The following CCDC144A variants were observed in gnomAD, a reference collection of about 807,000 sequenced individuals.
CCDC144A encodes coiled-coil domain containing 144A, also known as coiled-coil domain-containing protein 144A.
CCDC144A carries 41 observed loss-of-function variants against 143.8 expected under a neutral mutation model. The ratio of observed to expected loss-of-function variants is 0.29; its 90% CI spans 0.22 to 0.37. The LOEUF is 0.37. CCDC144A is among the 10% of genes least tolerant of loss of function. The pLI is 1.00. For synonymous variants in CCDC144A, 242 were observed against 517.9 expected, an observed-to-expected ratio of 0.47 and a Z score of 7.23; for missense variants, 637 against 1,488.8, an observed-to-expected ratio of 0.43 and a Z score of 9.41.
chr17:16,763,042 G>A (rs1412507625), intron 14 of CCDC144A, among the ~76,000 whole-genome samples: 1 of 151,024 alleles, frequency 6.6e-6, no homozygotes, highest in African/African-American at 2.5e-5. Flanking sequence ...GATCATTAGA[G>A]GGTGCCTTGA....
At chr17:16,679,992 A>T in the CCDC144A span, among the ~76,000 whole-genome samples, 1 of 152,130 alleles carries the variant, frequency 6.6e-6, no homozygotes, top group Non-Finnish European at 1.5e-5. Flanking sequence ...TATTTTTTTT[A>T]AACTTTAGAA....
intron 11 of CCDC144A, among the ~76,000 whole-genome samples, chr17:16,733,549 C>T (rs1416172267): frequency 6.7e-6 from 1 of 149,584 alleles, no homozygotes; most frequent in Non-Finnish European, 1.5e-5. Context: ...TGTATTTCAC[C>T]CTGTTTCATG....
At position 16,773,777 on chromosome 17, in the gene CCDC144A, T is replaced by C; in HGVS notation, c.*144T>C. ...ATATAGTATTTTAAATAATGTTTCT[T>C]GGCCTCTTCAGCTAACTTTTAAGTG... is the stretch of plus-strand genomic sequence containing the variant. On this transcript the variant is annotated 3_prime_UTR_variant, in exon 17 of 17. Transcript: ENST00000399273. 1 of 1,020,230 alleles carries C rather than the reference T, an allele frequency of 9.8e-7. No homozygotes were observed. Among genetic ancestry groups the C allele is most frequent in the Non-Finnish European group, 1.3e-6 (1 of 756,330 alleles). 63.2% of individuals were successfully genotyped at this position (1,020,230 alleles called of 1,614,324 possible).
chr17:16,736,309 G>C (rs1396090362), intron 12 of CCDC144A, among the ~76,000 whole-genome samples: 1 of 120,140 alleles, frequency 8.3e-6, no homozygotes, highest in Admixed American at 1.1e-4. Context: ...ACGGAGTTTT[G>C]CCATGTTGGC....
intron 12 of CCDC144A, among the ~76,000 whole-genome samples, chr17:16,741,125 T>G (rs1914236266): frequency 6.6e-6 from 1 of 152,038 alleles, no homozygotes; most frequent in Non-Finnish European, 1.5e-5. Context: ...ATTCTATTTC[T>G]TGTTGTCTCC....
At chr17:16,668,358 C>G in the CCDC144A span, among the ~76,000 whole-genome samples, 2 of 151,922 alleles carry the variant, frequency 1.3e-5, no homozygotes, top group Non-Finnish European at 2.9e-5. Context: ...GTTTATTTTC[C>G]TGATTCTAGG....
rs941511293 is a variant in CCDC144A, at chr17:16,775,829, T to C, written c.*2196T>C. 3 of 152,266 alleles carry C rather than the reference T, an allele frequency of 2.0e-5. No individual in the cohort carries two copies. The highest frequency in any genetic ancestry group is 1.3e-4 in the Admixed American group (2 of 15,286). 9.4% of individuals were successfully genotyped at this position (152,266 alleles called of 1,614,324 possible). ...CCTAGGTTTTCTTCCAGGATTTTTATAGTTTTGGGTTGTAGATTTAAGTCT... is the reference window on the plus strand; with the variant it reads ...CCTAGGTTTTCTTCCAGGATTTTTACAGTTTTGGGTTGTAGATTTAAGTCT... On this transcript the variant is annotated 3_prime_UTR_variant, in exon 17 of 17. Transcript: ENST00000399273.
Position 16,728,382 on chromosome 17 carries a change from G to A in CCDC144A, c.2105+642G>A, listed in dbSNP as rs989357095. Among the ~76,000 whole-genome samples, 274 of 152,080 alleles carry A rather than the reference G, an allele frequency of 1.8e-3. 2 individuals are homozygous for A. Among genetic ancestry groups the A allele is most frequent in the Non-Finnish European group, 2.1e-4 (14 of 68,016 alleles). On this transcript the variant is annotated intron_variant, in intron 9 of 16. Coordinates refer to ENST00000399273, the MANE Select transcript of CCDC144A (RefSeq NM_001382000.1). ...AAATGTTTTTCTACATTCCTAAACT[G>A]TTTGCTTTGAATAAATTCTCCAATA...
At chr17:16,695,145 G>T in intron 2 of CCDC144A, 1 of 152,022 alleles carries the variant, frequency 6.6e-6, no homozygotes, top group Non-Finnish European at 1.5e-5. Context: ...GCTCATAATA[G>T]AATAGAGCTT....
chr17:16,768,844 AATGT>A (rs1368440719), intron 15 of CCDC144A, among the ~76,000 whole-genome samples: 2 of 151,272 alleles, frequency 1.3e-5, no homozygotes, highest in Non-Finnish European at 2.9e-5. Context: ...AGTTGTGAAG[AATGT>A]ATGGTAAGAT....
At chr17:16,729,056 T>C (rs992543479) in intron 9 of CCDC144A, among the ~76,000 whole-genome samples, 4 of 152,240 alleles carry the variant, frequency 2.6e-5, no homozygotes, top group Admixed American at 1.3e-4. Context: ...GACATACGTT[T>C]GCAGGTGTTT....
At chr17:16,764,297 TAAAG>T (rs1367791377) in intron 15 of CCDC144A, 122 bp downstream of exon 15, 1 of 1,497,206 alleles carries the variant, frequency 6.7e-7, no homozygotes, top group Non-Finnish European at 8.9e-7. Flanking sequence ...CCTGTGTTAA[TAAAG>T]AGAGGAGACA....
chr17:16,710,526 TCAA>T (rs893113241), intron 5 of CCDC144A, among the ~76,000 whole-genome samples: 7 of 152,174 alleles, frequency 4.6e-5, no homozygotes, highest in South Asian at 2.1e-4. Flanking sequence ...TAAATATTTT[TCAA>T]CAACAAGTAT....
chr17:16,756,292 CTTTT>C (rs1284504067), intron 12 of CCDC144A, among the ~76,000 whole-genome samples: 1 of 152,206 alleles, frequency 6.6e-6, no homozygotes, highest in Admixed American at 6.5e-5. Flanking sequence ...TGTCTTCATT[CTTTT>C]TATTTTATTT....
At chr17:16,699,719 G>C (rs1263299614) in intron 2 of CCDC144A, among the ~76,000 whole-genome samples, 2 of 148,640 alleles carry the variant, frequency 1.3e-5, no homozygotes, top group Non-Finnish European at 3.0e-5. Context: ...GGAGAAAATT[G>C]ACTGTGATCT....
chr17:16,713,585 C>T (rs1341447512), intron 6 of CCDC144A, among the ~76,000 whole-genome samples: 1 of 152,108 alleles, frequency 6.6e-6, no homozygotes, highest in Non-Finnish European at 1.5e-5. Context: ...AATACTTCTC[C>T]TGAAACTTTT....
At chr17:16,712,121 A>C in intron 6 of CCDC144A, 1 of 250,862 alleles carries the variant, frequency 4.0e-6, no homozygotes, top group Non-Finnish European at 7.8e-6. Flanking sequence ...CAAGAGTAAA[A>C]CTCCATTTCA....
intron 12 of CCDC144A, among the ~76,000 whole-genome samples, chr17:16,747,022 A>C (rs1914567518): frequency 6.6e-6 from 1 of 151,126 alleles, no homozygotes; most frequent in African/African-American, 2.4e-5. Flanking sequence ...GTTTTCTTGT[A>C]GGATTTTTAT....
intron 8 of CCDC144A, among the ~76,000 whole-genome samples, chr17:16,723,181 A>G (rs1369633356): frequency 6.6e-6 from 1 of 152,054 alleles, no homozygotes; most frequent in Non-Finnish European, 1.5e-5. Flanking sequence ...TTTTATAGAT[A>G]TAGGACAGTT....
Sources: gnomAD v4.1 joint callset for allele counts (sites outside exome capture counted in the v4.1 genomes callset) on GRCh38, gnomAD v4.1.1 for gene constraint, MANE v1.5 for transcripts, NCBI Gene and HGNC (gene_info 2026-07-23, HGNC 2026-07-21) for gene names.